Variants in RFTN1 observed in about 807,000 individuals in gnomAD.
The protein encoded by RFTN1 is raftlin.
In RFTN1, 26 loss-of-function variants were observed where a neutral mutation model predicts 46.5. That is an observed-to-expected ratio of 0.56 (90% CI 0.41 to 0.78). The LOEUF is 0.78. Among genes scored for constraint, RFTN1 ranks in the 30% least tolerant of loss-of-function variants. The probability of loss-of-function intolerance (pLI) is 0.00; values close to 1 mark genes in which losing one functional copy is unlikely to be tolerated. For synonymous variants in RFTN1, 261 were observed against 284.2 expected, an observed-to-expected ratio of 0.92 and a Z score of 0.82; for missense variants, 693 against 718.7, an observed-to-expected ratio of 0.96 and a Z score of 0.41.
rs141861580 is a variant in RFTN1, at chr3:16,473,654, G to A, written c.145+20071C>T. Reference sequence around the variant, plus strand: ...ACTCCTGAGCTCAGGCAATCCACCCGCCTTGGCCTCCCAAAGTGCTAAGAT... The same window carrying A: ...ACTCCTGAGCTCAGGCAATCCACCCACCTTGGCCTCCCAAAGTGCTAAGAT... On this transcript the variant is annotated intron_variant, in intron 2 of 9. Transcript: ENST00000334133. The surrounding 1 kb of genome is among the most constrained non-coding windows in gnomAD (Gnocchi z 5.3). 9.9e-4 allele frequency among the ~76,000 whole-genome samples: 150 copies of A among 152,160 alleles called. No homozygotes were observed. Among genetic ancestry groups the A allele is most frequent in the African/African-American group, 3.2e-3 (132 of 41,510 alleles).
rs1000685354 is a variant in RFTN1 at position 16,480,527 on chromosome 3, G to A, written c.145+13198C>T. 6.6e-6 allele frequency among the ~76,000 whole-genome samples: 1 copy of A among 152,226 alleles called. No homozygotes were observed. Among genetic ancestry groups the A allele is most frequent in the Admixed American group, 6.5e-5 (1 of 15,280 alleles). On this transcript the variant is annotated intron_variant, in intron 2 of 9. Transcript: ENST00000334133. This position sits in a 1 kb window ranked among gnomAD's most constrained non-coding sequence, Gnocchi z 4.3. ...CCTGTAAACAAAGAAGAGTATGCCT[G>A]AAACACAGAACTGAGGAAATGACCT...
At chr3:16,482,657 C>T in intron 2 of RFTN1, 1 of 1,106,090 alleles carries the variant, frequency 9.0e-7, no homozygotes, top group Non-Finnish European at 1.3e-6. Flanking sequence ...AAATCAAGAT[C>T]TCTATAAGGA....
chr3:16,435,917 A>AATATATATCTATAT (rs1269069904), intron 2 of RFTN1, among the ~76,000 whole-genome samples: 1 of 142,360 alleles, frequency 7.0e-6, no homozygotes, highest in Admixed American at 7.0e-5. Context: ...CAGAGATGTA[A>AATATATATCTATAT]ATATATATAT....
At position 16,501,546 on chromosome 3, in the gene RFTN1, A is replaced by C. The variant is rs559984133; in HGVS notation, c.-8-7669T>G. Among the ~76,000 whole-genome samples, 5 of 152,344 alleles carry C rather than the reference A, an allele frequency of 3.3e-5. No individual in the cohort carries two copies. The East Asian group carries it at 9.6e-4, about 29-fold the overall frequency. On this transcript the variant is annotated intron_variant, in intron 1 of 9. Transcript: ENST00000334133. ...TAATCTAAGGCAGCCTGTAAAGCTA[A>C]TTTTAACAAATGCCAACAGCTCGTG...
chr3:16,453,715 C>T (rs924573309), intron 2 of RFTN1, among the ~76,000 whole-genome samples: 30 of 152,158 alleles, frequency 2.0e-4, no homozygotes, highest in African/African-American at 6.7e-4. Flanking sequence ...AATGGAAGAA[C>T]CAGAAAAATA....
At position 16,425,030 on chromosome 3, in the gene RFTN1, C is replaced by G. The variant is rs1206641340; in HGVS notation, c.332+8821G>C. 6.6e-6 allele frequency among the ~76,000 whole-genome samples: 1 copy of G among 152,082 alleles called. No individual in the cohort carries two copies. Among genetic ancestry groups the G allele is most frequent in the Non-Finnish European group, 1.5e-5 (1 of 68,004 alleles). On this transcript the variant is annotated intron_variant, in intron 3 of 9. Transcript: ENST00000334133. The surrounding 1 kb of genome is among the most constrained non-coding windows in gnomAD (Gnocchi z 4.3). ...AGTTGAATAGGTAGACTATTCAATACAAGACTCCCACAAAGATTTAAAGTA... is the reference window on the plus strand; with the variant it reads ...AGTTGAATAGGTAGACTATTCAATAGAAGACTCCCACAAAGATTTAAAGTA...
intron 7 of RFTN1, among the ~76,000 whole-genome samples, chr3:16,354,210 G>C (rs1420213533): frequency 6.6e-6 from 1 of 152,216 alleles, no homozygotes. Flanking sequence ...AACAGGAGCT[G>C]TGATAGGGTC....
At chr3:16,340,449 T>C (rs544557511) in intron 7 of RFTN1, among the ~76,000 whole-genome samples, 16 of 152,210 alleles carry the variant, frequency 1.1e-4, no homozygotes, top group Admixed American at 3.3e-4. Context: ...CCAGCTGACA[T>C]ATGAGAGAGC....
intron 4 of RFTN1, among the ~76,000 whole-genome samples, chr3:16,388,017 A>C (rs1295907188): frequency 2.0e-5 from 3 of 152,114 alleles, no homozygotes; most frequent in Non-Finnish European, 2.9e-5. Context: ...TGCTCGTTTT[A>C]ACTCTCCAAC....
At chr3:16,432,961 C>T (rs1015687780) in intron 3 of RFTN1, among the ~76,000 whole-genome samples, 1 of 152,162 alleles carries the variant, frequency 6.6e-6, no homozygotes, top group Non-Finnish European at 1.5e-5. Context: ...AGCACACCAG[C>T]CAAATGCTTT....
intron 2 of RFTN1, among the ~76,000 whole-genome samples, chr3:16,493,235 CTT>C (rs5846926): frequency 9.3e-4 from 133 of 142,796 alleles, no homozygotes; most frequent in Admixed American, 1.8e-3. Flanking sequence ...TAATTCGTTG[CTT>C]TTTTTTTTTT....
At position 16,407,963 on chromosome 3, in the gene RFTN1, C is replaced by G. The variant is rs2074898342; in HGVS notation, c.441+1412G>C. The stretch of plus-strand genomic sequence containing the variant: ...CCAGAGTCCCTGGAGCCTGAACACT[C>G]AATACATGTTGAAGGGAGGGTGGCA... On this transcript the variant is annotated intron_variant, in intron 4 of 9. Transcript: ENST00000334133. This position sits in a 1 kb window ranked among gnomAD's most constrained non-coding sequence, Gnocchi z 4.0. Among the ~76,000 whole-genome samples, 1 of 152,126 alleles carries G rather than the reference C, an allele frequency of 6.6e-6. No homozygotes were observed. The highest frequency in any genetic ancestry group is 2.1e-4 in the South Asian group (1 of 4,822).
In RFTN1 at chr3:16,422,556, G is replaced by A. The variant is rs570350701; in HGVS notation, c.332+11295C>T. On this transcript the variant is annotated intron_variant, in intron 3 of 9. Transcript: ENST00000334133. The surrounding 1 kb of genome is among the most constrained non-coding windows in gnomAD (Gnocchi z 4.6). ...TGAGGCAGGAGAATCACTTGAACCC[G>A]GGAGGCGGAAGTTGCAGTGAGCCGA... Among the ~76,000 whole-genome samples the A allele has an allele frequency of 4.0e-3, 604 of 151,918 alleles. 2 individuals are homozygous for A. Among genetic ancestry groups the A allele is most frequent in the Admixed American group, 6.1e-3 (93 of 15,270 alleles).
chr3:16,446,655 A>G lies in RFTN1; in HGVS notation c.146-12618T>C, dbSNP rs2075735000. On this transcript the variant is annotated intron_variant, in intron 2 of 9. Transcript: ENST00000334133. The surrounding 1 kb of genome is among the most constrained non-coding windows in gnomAD (Gnocchi z 4.5). The stretch of plus-strand genomic sequence containing the variant: ...TTCACTTTGTAAAGATGGCCAAATA[A>G]TAATAGGACAAAGACCATGGTTGTA... 6.6e-6 allele frequency among the ~76,000 whole-genome samples: 1 copy of G among 152,228 alleles called. No homozygotes were observed. Among genetic ancestry groups the G allele is most frequent in the Non-Finnish European group, 1.5e-5 (1 of 68,038 alleles).
At chr3:16,390,654 CCAT>C (rs2074322572) in intron 4 of RFTN1, among the ~76,000 whole-genome samples, 1 of 152,208 alleles carries the variant, frequency 6.6e-6, no homozygotes, top group African/African-American at 2.4e-5. Flanking sequence ...TTCCCAGGCA[CCAT>C]CAGAGTCAGA....
intron 4 of RFTN1, among the ~76,000 whole-genome samples, chr3:16,403,422 G>A (rs936225882): frequency 2.7e-5 from 4 of 150,106 alleles, no homozygotes; most frequent in African/African-American, 9.9e-5. Context: ...GGGTAGAGTA[G>A]ACATGAGCAC....
chr3:16,413,112 A>C lies in RFTN1; in HGVS notation c.333-3629T>G, dbSNP rs565125165. ...AGAGCATAGAAAACTAATACCAAAA[A>C]AAGAAAACAGAAAACTAACACAGTT... On this transcript the variant is annotated intron_variant, in intron 3 of 9. Coordinates refer to ENST00000334133, the MANE Select transcript of RFTN1 (RefSeq NM_015150.2). The surrounding 1 kb of genome is among the most constrained non-coding windows in gnomAD (Gnocchi z 4.7). Among the ~76,000 whole-genome samples, 1 of 152,246 alleles carries C rather than the reference A, an allele frequency of 6.6e-6. No individual in the cohort carries two copies. Among genetic ancestry groups the C allele is most frequent in the South Asian group, 2.1e-4 (1 of 4,836 alleles).
Position 16,370,363 on chromosome 3 carries a change from C to A in RFTN1, c.827-84G>T. The A allele has an allele frequency of 9.6e-6, 12 of 1,254,934 alleles. No homozygotes were observed. Among genetic ancestry groups the A allele is most frequent in the Non-Finnish European group, 1.4e-5 (12 of 858,262 alleles). The allele number at this position is 1,254,934 out of a possible 1,614,324, so 77.7% of individuals were successfully genotyped here. A position where few individuals can be genotyped will look rare whatever the true frequency, so the allele number is the denominator to read the frequency against. ...TTTCATCGGCTTAAGTGGAATCTCT[C>A]AGGAGCCTGAATAAATGATATGATG... On this transcript the variant is annotated intron_variant, in intron 5 of 9. Coordinates refer to ENST00000334133, the MANE Select transcript of RFTN1 (RefSeq NM_015150.2). The surrounding 1 kb of genome is among the most constrained non-coding windows in gnomAD (Gnocchi z 5.5).
In RFTN1 at chr3:16,385,879, GCC is replaced by G. The variant is rs1054241597; in HGVS notation, c.442-7779_442-7778del. On this transcript the variant is annotated intron_variant, in intron 4 of 9. Transcript: ENST00000334133. The surrounding 1 kb of genome is among the most constrained non-coding windows in gnomAD (Gnocchi z 5.0). ...GGATTCTGGAGCAAAGACGACCTTG[GCC>G]CATGAGAACTGCCATCATCCAAGTA... Among the ~76,000 whole-genome samples, 10 of 152,142 alleles carry G rather than the reference GCC, an allele frequency of 6.6e-5. No individual in the cohort carries two copies. Among genetic ancestry groups the G allele is most frequent in the African/African-American group, 2.4e-4 (10 of 41,434 alleles).
Sources: gnomAD v4.1 joint callset for allele counts (sites outside exome capture counted in the v4.1 genomes callset) on GRCh38, gnomAD v4.1.1 for gene constraint, Gnocchi (gnomAD v3.1) non-coding constraint, MANE v1.5 for transcripts, NCBI Gene and HGNC (gene_info 2026-07-23, HGNC 2026-07-21) for gene names.